The following ABCC5 variants were observed in gnomAD, a reference collection of about 807,000 sequenced individuals.
ABCC5 encodes ATP-binding cassette sub-family C member 5.
In ABCC5, 61 loss-of-function variants were observed where a neutral mutation model predicts 160.9. That is an observed-to-expected ratio of 0.38 (90% CI 0.31 to 0.47). The LOEUF (loss-of-function observed/expected upper bound fraction) is 0.47, where lower values mean the gene tolerates loss of function less well. Among genes scored for constraint, ABCC5 ranks in the 20% least tolerant of loss-of-function variants. ABCC5 has a pLI of 0.99. For synonymous variants in ABCC5, 666 were observed against 700.6 expected (o/e 0.95, Z 0.78); for missense variants, 1,308 against 1,813.3 (o/e 0.72, Z 5.06).
intron 28 of ABCC5, 99 bp downstream of exon 28, chr3:183,927,231 G>A: frequency 8.3e-7 from 1 of 1,199,266 alleles, no homozygotes; most frequent in Non-Finnish European, 1.2e-6. Flanking sequence ...GTGCCAACAG[G>A]GATCAGAGCC....
intron 17 of ABCC5, among the ~76,000 whole-genome samples, chr3:183,958,852 A>G (rs1716472066): frequency 6.6e-6 from 1 of 151,952 alleles, no homozygotes. Context: ...TTCCCACCTC[A>G]GCCTCCCAAA....
intron 26 of ABCC5, among the ~76,000 whole-genome samples, chr3:183,932,425 A>G (rs1202298826): frequency 6.6e-6 from 1 of 152,232 alleles, no homozygotes; most frequent in Non-Finnish European, 1.5e-5. Context: ...ATGCTGGGAA[A>G]AGAAATGTAA....
chr3:184,003,941 G>A (rs1390112955), intron 2 of ABCC5, among the ~76,000 whole-genome samples: 1 of 152,140 alleles, frequency 6.6e-6, no homozygotes, highest in Admixed American at 6.6e-5. Flanking sequence ...TGAGGGGAGA[G>A]AACAGACTTT....
rs2108866470 is a variant in ABCC5 at position 183,988,036 on chromosome 3, T to C, written c.444-119A>G. 9.2e-7 allele frequency: 1 copy of C among 1,086,862 alleles called. No homozygotes were observed. The allele number at this position is 1,086,862 out of a possible 1,614,324, so 67.3% of individuals were successfully genotyped here. ...CCACCACTCACACAAGTCTCTCCTT[T>C]AAAATTATGTACATAGTCTTCACCT... is the stretch of plus-strand genomic sequence containing the variant. On this transcript the variant is annotated intron_variant, in intron 4 of 29. Transcript: ENST00000334444. The surrounding 1 kb of genome is among the most constrained non-coding windows in gnomAD (Gnocchi z 4.4).
At chr3:183,965,543 C>T in intron 12 of ABCC5, 42 bp from the exon 13 acceptor site, 2 of 1,610,914 alleles carry the variant, frequency 1.2e-6, no homozygotes, top group Non-Finnish European at 1.7e-6. Context: ...TAACTCAAAA[C>T]CATCACCCTA....
chr3:183,961,520 C>A lies in ABCC5; in HGVS notation c.2370G>T (p.Pro790=), dbSNP rs775277149. 2 of 1,614,022 alleles carry A rather than the reference C, an allele frequency of 1.2e-6. No homozygotes were observed. The highest frequency in any genetic ancestry group is 1.7e-6 in the Non-Finnish European group (2 of 1,179,980). The change falls in exon 16 of 30, where the codon CCG becomes CCT. Residue 790 remains proline (P), a synonymous_variant. Coordinates refer to ENST00000334444, the MANE Select transcript of ABCC5 (RefSeq NM_005688.4). The stretch of plus-strand genomic sequence containing the variant: ...CACCATCAGATCTTACCTCAACTGG[C>A]GGTGTCTCTCCCAGCAACAGGTTAT... ...IFNNLLLGET[P]PVEINSKKET...
At chr3:184,006,592 GC>G (rs1721230208) in intron 2 of ABCC5, 2 of 152,132 alleles carry the variant, frequency 1.3e-5, no homozygotes, top group South Asian at 4.2e-4. Flanking sequence ...GAAAACAATG[GC>G]TGTCTCTGGG....
chr3:184,006,762 A>G (rs1475578699), intron 2 of ABCC5, among the ~76,000 whole-genome samples: 2 of 152,152 alleles, frequency 1.3e-5, no homozygotes, highest in Non-Finnish European at 2.9e-5. Context: ...ACTTGAGCTC[A>G]CCAAAATATT....
chr3:183,982,478 A>T lies in ABCC5; in HGVS notation c.972T>A (p.Ala324=), dbSNP rs1191193461. 3 of 1,614,110 alleles carry T rather than the reference A, an allele frequency of 1.9e-6. No homozygotes were observed. The highest frequency in any genetic ancestry group is 2.5e-6 in the Non-Finnish European group (3 of 1,179,974). The change falls in exon 7 of 30, where the codon GCT becomes GCA. Residue 324 remains alanine, a synonymous_variant. Coordinates refer to ENST00000334444, the MANE Select transcript of ABCC5 (RefSeq NM_005688.4). This position sits in a 1 kb window ranked among gnomAD's most constrained non-coding sequence, Gnocchi z 5.2. ...TTGCTGGGTAAAAGAGGATAAAAAC[A>T]GCTGATCCCAGGAAGCCTGTTGGTC... The part of the protein sequence containing the change: ...ILGPTGFLGS[A]VFILFYPAMM...
intron 5 of ABCC5, chr3:183,984,732 G>A: frequency 6.5e-7 from 1 of 1,534,178 alleles, no homozygotes; most frequent in African/African-American, 1.4e-5. Context: ...TGGTTTACTA[G>A]CAAGAAGATT....
intron 28 of ABCC5, among the ~76,000 whole-genome samples, chr3:183,926,158 T>TTC (rs1175459487): frequency 8.0e-5 from 12 of 149,460 alleles, no homozygotes; most frequent in African/African-American, 1.7e-4. Flanking sequence ...TTTTTTTTTT[T>TTC]CTAAGAAAGC....
chr3:183,957,006 A>G (rs1716094563), intron 17 of ABCC5, among the ~76,000 whole-genome samples: 1 of 150,652 alleles, frequency 6.6e-6, no homozygotes, highest in East Asian at 2.0e-4. Context: ...CATCGGTTAC[A>G]TGCGGATCCG....
At chr3:183,924,041 G>A (rs1361980147) in intron 29 of ABCC5, among the ~76,000 whole-genome samples, 1 of 126,256 alleles carries the variant, frequency 7.9e-6, no homozygotes, top group African/African-American at 3.1e-5. Flanking sequence ...TTTGACATGA[G>A]GTCTCACTCT....
chr3:183,925,950 T>C (rs1712509299), intron 28 of ABCC5, among the ~76,000 whole-genome samples: 1 of 150,080 alleles, frequency 6.7e-6, no homozygotes, highest in South Asian at 2.1e-4. Context: ...GCCATTCTCC[T>C]GCCTCAGCCG....
chr3:183,981,594 T>C, intron 8 of ABCC5, 133 bp downstream of exon 8: 3 of 996,082 alleles, frequency 3.0e-6, no homozygotes, highest in South Asian at 1.6e-5. Flanking sequence ...AAAGATTCTA[T>C]GATATTATGT....
At chr3:183,941,288 G>A (rs1333500865) in intron 25 of ABCC5, among the ~76,000 whole-genome samples, 2 of 152,154 alleles carry the variant, frequency 1.3e-5, no homozygotes, top group African/African-American at 2.4e-5. Context: ...GCTTTCAGGG[G>A]AGCAGTGTAC....
At chr3:183,995,610 T>C (rs1359023946) in intron 2 of ABCC5, among the ~76,000 whole-genome samples, 1 of 152,236 alleles carries the variant, frequency 6.6e-6, no homozygotes, top group African/African-American at 2.4e-5. Context: ...TGAGTCTATT[T>C]CTAGACTCTA....
chr3:183,977,707 C>A (rs1718344253), intron 9 of ABCC5, 83 bp from the exon 10 acceptor site: 8 of 930,246 alleles, frequency 8.6e-6, no homozygotes, highest in South Asian at 1.6e-5. Flanking sequence ...TCCTCTCAGG[C>A]GCTAGGAAGG....
chr3:183,951,693 G>A lies in ABCC5; in HGVS notation c.2815-123C>T, dbSNP rs1037591878. 2.0e-5 allele frequency: 30 copies of A among 1,484,248 alleles called. No individual in the cohort carries two copies. In the East Asian group the frequency reaches 6.2e-4, roughly 30 times the overall value. The allele number at this position is 1,484,248 out of a possible 1,614,324, so 91.9% of individuals were successfully genotyped here. On this transcript the variant is annotated intron_variant, in intron 19 of 29. Coordinates refer to ENST00000334444, the MANE Select transcript of ABCC5 (RefSeq NM_005688.4). The surrounding 1 kb of genome is among the most constrained non-coding windows in gnomAD (Gnocchi z 4.7). ...AGGTGTGAGGGGTCAGGAGGGACAG[G>A]TGGCAAGTGAGAAAAGGTGGAGGCT... is the stretch of plus-strand genomic sequence containing the variant.
Sources: gnomAD v4.1 joint callset for allele counts (sites outside exome capture counted in the v4.1 genomes callset) on GRCh38, gnomAD v4.1.1 for gene constraint, Gnocchi (gnomAD v3.1) non-coding constraint, MANE v1.5 for transcripts, NCBI Gene and HGNC (gene_info 2026-07-23, HGNC 2026-07-21) for gene names.